Variants in RBFOX1 observed in about 807,000 individuals in gnomAD.
The protein encoded by RBFOX1 is RNA binding protein fox-1 homolog 1.
Under a neutral mutation model 57.7 loss-of-function variants are expected in RBFOX1, and 8 were observed. The ratio of observed to expected loss-of-function variants is 0.14; its 90% CI spans 0.08 to 0.25. The LOEUF is 0.25. Ranked by LOEUF, RBFOX1 falls within the 10% of genes least tolerant of loss-of-function variation. The pLI is 1.00. For synonymous variants in RBFOX1, 326 were observed against 222.4 expected (o/e 1.47, Z -4.15); for missense variants, 611 against 548.5 (o/e 1.11, Z -1.14).
chr16:5,706,418 A>C (rs2051249833), intron 3 of RBFOX1, among the ~76,000 whole-genome samples: 1 of 152,188 alleles, frequency 6.6e-6, no homozygotes, highest in African/African-American at 2.4e-5. Flanking sequence ...GTTTAGCAGG[A>C]AACCTGCCCT....
At chr16:5,462,102 A>G (rs2068806205) in intron 1 of RBFOX1, among the ~76,000 whole-genome samples, 1 of 151,738 alleles carries the variant, frequency 6.6e-6, no homozygotes, top group South Asian at 2.1e-4. Context: ...AAAAGGTGGA[A>G]CGCTGTGCTT....
intron 3 of RBFOX1, among the ~76,000 whole-genome samples, chr16:6,725,234 G>C (rs756951699): frequency 6.6e-6 from 1 of 151,804 alleles, no homozygotes; most frequent in Non-Finnish European, 1.5e-5. Flanking sequence ...TGTATTTTTA[G>C]TAGGGACAGG....
intron 4 of RBFOX1, among the ~76,000 whole-genome samples, chr16:7,078,275 C>G (rs1304112561): frequency 6.6e-6 from 1 of 152,150 alleles, no homozygotes; most frequent in Non-Finnish European, 1.5e-5. Context: ...TAGAAACCAC[C>G]TTAGGAAGTG....
intron 3 of RBFOX1, among the ~76,000 whole-genome samples, chr16:6,879,784 G>C (rs1417886850): frequency 6.6e-6 from 1 of 152,092 alleles, no homozygotes; most frequent in Non-Finnish European, 1.5e-5. Context: ...CCTCTGATTT[G>C]ACATTGGAAT....
At chr16:5,801,645 G>A (rs969556469) in intron 3 of RBFOX1, among the ~76,000 whole-genome samples, 1 of 152,148 alleles carries the variant, frequency 6.6e-6, no homozygotes, top group Admixed American at 6.5e-5. Flanking sequence ...TGTGATCCGT[G>A]GTTGCTAAAG....
intron 3 of RBFOX1, among the ~76,000 whole-genome samples, chr16:5,773,187 A>G (rs1317626820): frequency 1.3e-5 from 2 of 152,174 alleles, no homozygotes; most frequent in Non-Finnish European, 2.9e-5. Context: ...ACTTCAGGGG[A>G]TAAGTATAGA....
chr16:6,653,288 A>G (rs1425623313), intron 2 of RBFOX1, among the ~76,000 whole-genome samples: 3 of 151,188 alleles, frequency 2.0e-5, no homozygotes, highest in Non-Finnish European at 2.9e-5. Flanking sequence ...CTGGAATACC[A>G]TTAAGTGATA....
intron 2 of RBFOX1, among the ~76,000 whole-genome samples, chr16:6,539,397 C>G (rs781451412): frequency 2.0e-5 from 3 of 152,162 alleles, no homozygotes; most frequent in Admixed American, 6.5e-5. Context: ...CACAGCAGCA[C>G]TCCACATCAA....
chr16:5,890,558 G>A (rs7186670), intron 4 of RBFOX1, among the ~76,000 whole-genome samples: 39,796 of 151,826 alleles, frequency 0.26, 5,373 homozygotes, highest in South Asian at 0.42. Context: ...TTAGCTGGGC[G>A]TGGTGGCTTG....
At chr16:6,276,006 A>G (rs1407567949) in intron 1 of RBFOX1, among the ~76,000 whole-genome samples, 1 of 152,162 alleles carries the variant, frequency 6.6e-6, no homozygotes, top group African/African-American at 2.4e-5. Context: ...GTGTTGGATT[A>G]TTATAAGTTT....
At chr16:6,268,392 A>G (rs369486211) in intron 1 of RBFOX1, among the ~76,000 whole-genome samples, 4 of 152,140 alleles carry the variant, frequency 2.6e-5, no homozygotes, top group African/African-American at 9.7e-5. Flanking sequence ...CTTGGTATGA[A>G]GCACAGCTTG....
rs549945414 is a variant in RBFOX1, at chr16:7,554,091, A to T, written c.271-25686A>T. Among the ~76,000 whole-genome samples, 97 of 152,236 alleles carry T rather than the reference A, an allele frequency of 6.4e-4. 1 individual carries two copies. Among genetic ancestry groups the T allele is most frequent in the African/African-American group, 2.2e-3 (90 of 41,542 alleles). ...AACACTGCACTCCAGCCTGGGTGAAAGAGCAAGATCCTGTCTCAAAAAAGA... is the reference window on the plus strand; with the variant it reads ...AACACTGCACTCCAGCCTGGGTGAATGAGCAAGATCCTGTCTCAAAAAAGA... On this transcript the variant is annotated intron_variant, in intron 5 of 15. Coordinates refer to ENST00000550418, the MANE Select transcript of RBFOX1 (RefSeq NM_018723.4).
intron 4 of RBFOX1, among the ~76,000 whole-genome samples, chr16:5,959,852 TTC>T (rs2152286727): frequency 6.6e-6 from 1 of 152,138 alleles, no homozygotes; most frequent in East Asian, 1.9e-4. Flanking sequence ...GCTGGTGGCT[TTC>T]TCTCTCTGCC....
At chr16:6,775,004 G>A (rs1331032030) in intron 3 of RBFOX1, among the ~76,000 whole-genome samples, 10 of 151,844 alleles carry the variant, frequency 6.6e-5, no homozygotes. Flanking sequence ...TTAATAATCT[G>A]TGTTCATATC....
chr16:6,839,644 C>A (rs935915288), intron 3 of RBFOX1, among the ~76,000 whole-genome samples: 20 of 152,276 alleles, frequency 1.3e-4, no homozygotes, highest in South Asian at 4.2e-4. Context: ...GTGAGACACA[C>A]AGCCTGTGTT....
intron 6 of RBFOX1, among the ~76,000 whole-genome samples, chr16:7,582,252 T>C (rs748293963): frequency 1.3e-5 from 2 of 152,212 alleles, no homozygotes; most frequent in Admixed American, 6.5e-5. Context: ...ATACACTTAA[T>C]ACCTGTCAAT....
At chr16:6,706,308 CGAG>C (rs1244005288) in intron 3 of RBFOX1, among the ~76,000 whole-genome samples, 4 of 152,202 alleles carry the variant, frequency 2.6e-5, no homozygotes, top group African/African-American at 9.6e-5. Flanking sequence ...ATCACATTTA[CGAG>C]GAGAAAATGG....
chr16:5,896,190 G>C (rs1193288269), intron 4 of RBFOX1, among the ~76,000 whole-genome samples: 1 of 152,150 alleles, frequency 6.6e-6, no homozygotes, highest in Non-Finnish European at 1.5e-5. Flanking sequence ...CCCACAGCTG[G>C]TCTCATCTAG....
chr16:7,622,025 A>C (rs994587670), intron 10 of RBFOX1, among the ~76,000 whole-genome samples: 3 of 152,202 alleles, frequency 2.0e-5, no homozygotes, highest in African/African-American at 4.8e-5. Flanking sequence ...GATTTTTGTC[A>C]ACCATTTAAA....
Sources: gnomAD v4.1 joint callset for allele counts (sites outside exome capture counted in the v4.1 genomes callset) on GRCh38, gnomAD v4.1.1 for gene constraint, MANE v1.5 for transcripts, NCBI Gene and HGNC (gene_info 2026-07-23, HGNC 2026-07-21) for gene names.